Variants in SHANK2 observed in about 807,000 individuals in gnomAD.
SHANK2 encodes SH3 and multiple ankyrin repeat domains protein 2.
SHANK2 carries 43 observed loss-of-function variants against 133.7 expected under a neutral mutation model. That is an observed-to-expected ratio of 0.32 (90% CI 0.25 to 0.41). SHANK2 has a LOEUF of 0.41. Ranked by LOEUF, SHANK2 falls within the 10% of genes least tolerant of loss-of-function variation. The pLI, the probability that SHANK2 is intolerant of heterozygous loss-of-function variation, is 1.00. For synonymous variants in SHANK2, 1,017 were observed against 952.8 expected (o/e 1.07, Z -1.24); for missense variants, 1,994 against 2,235.8 (o/e 0.89, Z 2.18).
At chr11:70,573,211 C>T (rs1037043396) in intron 17 of SHANK2, among the ~76,000 whole-genome samples, 9 of 136,936 alleles carry the variant, frequency 6.6e-5, no homozygotes, top group African/African-American at 2.4e-4. Context: ...CGGAGCTGGG[C>T]GGTCACTGCA....
intron 10 of SHANK2, among the ~76,000 whole-genome samples, chr11:70,955,393 C>T (rs1348373034): frequency 6.7e-6 from 1 of 150,300 alleles, no homozygotes; most frequent in Non-Finnish European, 1.5e-5. Context: ...ATGCTTCAGC[C>T]AGGGTTCTCC....
rs533977597 is a variant in SHANK2, at chr11:70,766,181, G to A, written c.1777+32262C>T. On this transcript the variant is annotated intron_variant, in intron 14 of 25. Coordinates refer to ENST00000601538, the MANE Select transcript of SHANK2 (RefSeq NM_012309.5). ...CTATTGGAACGCAGATACAATGGCT[G>A]GAGTCTAAGCAGCCACCTTGAACTG... Among the ~76,000 whole-genome samples the A allele has an allele frequency of 4.3e-3, 656 of 152,368 alleles. 5 individuals carry two copies. Among genetic ancestry groups the A allele is most frequent in the African/African-American group, 0.015 (624 of 41,590 alleles).
At chr11:70,873,761 T>G (rs1949510158) in intron 11 of SHANK2, among the ~76,000 whole-genome samples, 1 of 151,826 alleles carries the variant, frequency 6.6e-6, no homozygotes. Flanking sequence ...TTTTTGCCAG[T>G]TCATGAACAA....
chr11:70,795,430 G>T lies in SHANK2; in HGVS notation c.1777+3013C>A, dbSNP rs1355373133. On this transcript the variant is annotated intron_variant, in intron 14 of 25. Transcript: ENST00000601538. Reference sequence around the variant, plus strand: ...TTCTTTTTTTTTTTTTTTTGAGATGGAGTCTTGCTATGTTGCCCAGGCTGG... The same window carrying T: ...TTCTTTTTTTTTTTTTTTTGAGATGTAGTCTTGCTATGTTGCCCAGGCTGG... 3.0e-5 allele frequency among the ~76,000 whole-genome samples: 4 copies of T among 135,180 alleles called. No homozygotes were observed. In the Admixed American group the frequency reaches 3.2e-4, roughly 11 times the overall value. 88.7% of individuals were successfully genotyped at this position (135,180 alleles called of 152,430 possible). A position where few individuals can be genotyped will look rare whatever the true frequency, so the allele number is the denominator to read the frequency against.
intron 14 of SHANK2, among the ~76,000 whole-genome samples, chr11:70,758,424 C>T (rs1001874296): frequency 3.9e-5 from 6 of 152,342 alleles, no homozygotes; most frequent in South Asian, 4.1e-4. Flanking sequence ...CCTGCACTTC[C>T]GATCCAGCGA....
chr11:70,883,160 T>G (rs1202610635), intron 11 of SHANK2, among the ~76,000 whole-genome samples: 2 of 152,072 alleles, frequency 1.3e-5, no homozygotes, highest in African/African-American at 4.8e-5. Context: ...AACGGGGCAG[T>G]GAAGGCGCCT....
intron 17 of SHANK2, among the ~76,000 whole-genome samples, chr11:70,523,560 A>T (rs1423032214): frequency 6.6e-6 from 1 of 152,158 alleles, no homozygotes; most frequent in Non-Finnish European, 1.5e-5. Flanking sequence ...GCTGCCCCGA[A>T]GCCCTGTACT....
chr11:70,585,357 A>T (rs1183230764), intron 17 of SHANK2, among the ~76,000 whole-genome samples: 2 of 152,212 alleles, frequency 1.3e-5, no homozygotes, highest in African/African-American at 4.8e-5. Flanking sequence ...AGACTGGCAG[A>T]GTGGGGCAGG....
intron 11 of SHANK2, among the ~76,000 whole-genome samples, chr11:70,842,767 T>TGGGA (rs1948927143): frequency 6.6e-6 from 1 of 151,656 alleles, no homozygotes; most frequent in Non-Finnish European, 1.5e-5. Flanking sequence ...CCCAGGGGGG[T>TGGGA]GGGAGGCAGC....
intron 9 of SHANK2, among the ~76,000 whole-genome samples, chr11:71,068,287 G>T (rs1409908831): frequency 6.6e-6 from 1 of 152,178 alleles, no homozygotes; most frequent in African/African-American, 2.4e-5. Context: ...CAGAAACTGT[G>T]AATCCTAAAT....
chr11:70,886,055 C>T (rs1223432726), intron 11 of SHANK2, among the ~76,000 whole-genome samples: 1 of 152,184 alleles, frequency 6.6e-6, no homozygotes, highest in Non-Finnish European at 1.5e-5. Context: ...CTGGTTATGT[C>T]CGGATGAAAC....
chr11:70,585,030 C>T (rs544976986), intron 17 of SHANK2, among the ~76,000 whole-genome samples: 176 of 152,382 alleles, frequency 1.2e-3, no homozygotes, highest in Admixed American at 3.5e-3. Context: ...GTGGCTACCA[C>T]CCCAGGGGCT....
chr11:70,855,784 A>C (rs961439900), intron 11 of SHANK2, among the ~76,000 whole-genome samples: 4 of 152,234 alleles, frequency 2.6e-5, no homozygotes, highest in Non-Finnish European at 4.4e-5. Context: ...AATCGATGGC[A>C]GGATGGGTAA....
intron 17 of SHANK2, among the ~76,000 whole-genome samples, chr11:70,657,903 G>A (rs1591714031): frequency 1.3e-5 from 2 of 152,090 alleles, no homozygotes; most frequent in African/African-American, 4.8e-5. Flanking sequence ...CCAGGTGAGC[G>A]CTGCAGCCAC....
At chr11:70,672,060 C>CTTTTTTTTTTTTTT (rs201865483) in intron 15 of SHANK2, among the ~76,000 whole-genome samples, 1 of 120,936 alleles carries the variant, frequency 8.3e-6, no homozygotes, top group African/African-American at 3.0e-5. Flanking sequence ...CTTTTCTTTT[C>CTTTTTTTTTTTTTT]TTTTTCTTTT....
intron 14 of SHANK2, among the ~76,000 whole-genome samples, chr11:70,778,724 C>T (rs1481554911): frequency 1.3e-5 from 2 of 152,214 alleles, no homozygotes; most frequent in African/African-American, 4.8e-5. Flanking sequence ...GGAGGAAATA[C>T]ATTTCTGTTG....
rs541101040 is a variant in SHANK2, at chr11:71,114,741, G to A, written c.412-1377C>T. On this transcript the variant is annotated intron_variant, in intron 4 of 25. Transcript: ENST00000601538. ...AGCAGGTTCTGTGCGTCCATGCCCC[G>A]GGACCAATCACACCTCTGGTCCAGA... Among the ~76,000 whole-genome samples, 33 of 152,190 alleles carry A rather than the reference G, an allele frequency of 2.2e-4. No individual in the cohort carries two copies. In the East Asian group the frequency reaches 2.9e-3, roughly 13 times the overall value.
intron 3 of SHANK2, among the ~76,000 whole-genome samples, chr11:71,138,122 CA>C: frequency 3.4e-5 from 2 of 59,116 alleles, no homozygotes; most frequent in Non-Finnish European, 9.2e-5. Context: ...TAACGAACCA[CA>C]CCCCTGCACC....
chr11:71,123,885 C>A (rs2135290009), intron 3 of SHANK2, among the ~76,000 whole-genome samples: 2 of 152,176 alleles, frequency 1.3e-5, no homozygotes, highest in Middle Eastern at 6.8e-3. Flanking sequence ...GGGTCCTATA[C>A]CAGCACCAGG....
Sources: allele counts gnomAD v4.1 joint callset (sites outside exome capture counted in the v4.1 genomes callset), GRCh38; gene constraint gnomAD v4.1.1; transcripts MANE v1.5; gene names NCBI Gene and HGNC (gene_info 2026-07-23, HGNC 2026-07-21).